Variants in KANK1 observed in about 807,000 individuals in gnomAD.
The protein encoded by KANK1 is KN motif and ankyrin repeat domain-containing protein 1.
Under a neutral mutation model 106.2 loss-of-function variants are expected in KANK1, and 109 were observed. The observed-to-expected ratio is 1.03, with a 90% CI of 0.88 to 1.20. KANK1 has a LOEUF of 1.20. Ranked by LOEUF, KANK1 falls within the 50% of genes most tolerant of loss-of-function variation. The pLI, the probability that KANK1 is intolerant of heterozygous loss-of-function variation, is 0.00. For synonymous variants in KANK1, 873 were observed against 652.2 expected (o/e 1.34, Z -5.16); for missense variants, 2,399 against 1,710.7 (o/e 1.40, Z -7.10).
At position 491,287 on chromosome 9, in the gene KANK1, T is replaced by TG. The variant is rs1489133695; in HGVS notation, c.-362+18014_-362+18015insG. On this transcript the variant is annotated intron_variant, in intron 3 of 15. Transcript: ENST00000382303. ...TGGAGTGCATTTTCTTTTTTTTTTT[T>TG]AGACAGAGTCTTGCTCTGTCACCAG... Among the ~76,000 whole-genome samples, 206 of 150,116 alleles carry TG rather than the reference T, an allele frequency of 1.4e-3. 1 individual carries two copies. The highest frequency in any genetic ancestry group is 4.8e-3 in the African/African-American group (196 of 40,414).
At chr9:671,077 G>T (rs952318644) in intron 1 of KANK1, among the ~76,000 whole-genome samples, 10 of 150,298 alleles carry the variant, frequency 6.7e-5, no homozygotes, top group African/African-American at 2.0e-4. Context: ...TGGTTATTCT[G>T]TGGGGAGAAG....
intron 1 of KANK1, among the ~76,000 whole-genome samples, chr9:569,750 A>T (rs1295364560): frequency 6.6e-6 from 1 of 151,980 alleles, no homozygotes; most frequent in Non-Finnish European, 1.5e-5. Flanking sequence ...GAAGCTTTTG[A>T]ATTTCACTTC....
chr9:735,161 T>C (rs1279908342), intron 7 of KANK1, among the ~76,000 whole-genome samples: 1 of 152,218 alleles, frequency 6.6e-6, no homozygotes, highest in Non-Finnish European at 1.5e-5. Context: ...TTTCTATTTA[T>C]AGAACAGTAA....
intron 1 of KANK1, among the ~76,000 whole-genome samples, chr9:541,899 C>A (rs1250268691): frequency 6.6e-6 from 1 of 151,562 alleles, no homozygotes; most frequent in Admixed American, 6.6e-5. Flanking sequence ...ACCATCCTGG[C>A]TAACACGGTG....
At chr9:648,629 T>C (rs1052434597) in intron 1 of KANK1, among the ~76,000 whole-genome samples, 1 of 152,148 alleles carries the variant, frequency 6.6e-6, no homozygotes, top group Non-Finnish European at 1.5e-5. Context: ...AGCAACATGA[T>C]AGTAACAAAG....
At chr9:730,339 G>A in intron 4 of KANK1, 91 bp downstream of exon 4, 1 of 1,280,582 alleles carries the variant, frequency 7.8e-7, no homozygotes, top group Non-Finnish European at 1.1e-6. Flanking sequence ...CTTTTAAATT[G>A]ACCTGGAAGA....
intron 1 of KANK1, among the ~76,000 whole-genome samples, chr9:667,754 T>G (rs963264006): frequency 2.6e-5 from 4 of 151,420 alleles, no homozygotes; most frequent in African/African-American, 7.3e-5. Flanking sequence ...TTTGTTTTTT[T>G]TTTTGAGATG....
chr9:693,353 T>G (rs991997671), intron 2 of KANK1: 9 of 979,478 alleles, frequency 9.2e-6, no homozygotes, highest in Non-Finnish European at 1.1e-5. Context: ...CAGTGGAGGG[T>G]TAGGGAAAGA....
At chr9:597,943 G>T (rs1044005005) in intron 1 of KANK1, among the ~76,000 whole-genome samples, 1 of 151,806 alleles carries the variant, frequency 6.6e-6, no homozygotes, top group Non-Finnish European at 1.5e-5. Context: ...GGGATTACAG[G>T]TGTGAGCCAC....
At chr9:602,989 C>A (rs955896074) in intron 1 of KANK1, among the ~76,000 whole-genome samples, 6 of 151,818 alleles carry the variant, frequency 4.0e-5, no homozygotes, top group Middle Eastern at 3.2e-3. Context: ...CATATTTATC[C>A]ACAGTGATAA....
chr9:494,548 T>C (rs1564122257), intron 3 of KANK1, among the ~76,000 whole-genome samples: 1 of 152,196 alleles, frequency 6.6e-6, no homozygotes, highest in Non-Finnish European at 1.5e-5. Flanking sequence ...TAAAAGGCAT[T>C]GTGCTACCAT....
chr9:556,401 T>A (rs1036259214), intron 1 of KANK1, among the ~76,000 whole-genome samples: 2 of 152,196 alleles, frequency 1.3e-5, no homozygotes, highest in African/African-American at 4.8e-5. Context: ...TCTGACTACG[T>A]GGTGAGTCTT....
intron 1 of KANK1, among the ~76,000 whole-genome samples, chr9:644,066 A>C (rs960682380): frequency 6.6e-6 from 1 of 150,954 alleles, no homozygotes. Context: ...CATTAGAAGC[A>C]TGATTTGTTC....
chr9:720,623 T>C (rs1194298279), intron 3 of KANK1, among the ~76,000 whole-genome samples: 2 of 152,238 alleles, frequency 1.3e-5, no homozygotes, highest in Non-Finnish European at 2.9e-5. Context: ...CACTAAGTGC[T>C]GGGATTACAG....
intron 3 of KANK1, among the ~76,000 whole-genome samples, chr9:496,602 GAAATA>G (rs2058462536): frequency 6.6e-6 from 1 of 152,054 alleles, no homozygotes; most frequent in African/African-American, 2.4e-5. Context: ...ATAAATGAAA[GAAATA>G]AAATTATATT....
chr9:712,688 C>G lies in KANK1; in HGVS notation c.1922C>G (p.Ser641Cys). The part of the protein sequence containing the change: ...GDCSVDVTVC[S>C]PKECASRGVN... ...TGTTCTGTTGACGTGACCGTCTGCT[C>G]TCCAAAGGAGTGCGCCTCCCGGGGC... The change falls in exon 3 of 12, where the codon TCT (serine) becomes TGT (cysteine). Residue 641 changes from serine to cysteine, a missense_variant. Physicochemically the swap from Ser to Cys is moderately radical, Grantham distance 112. Transcript: ENST00000382297. The G allele has an allele frequency of 1.9e-6, 3 of 1,614,140 alleles. No homozygotes were observed. Among genetic ancestry groups the G allele is most frequent in the Non-Finnish European group, 8.5e-7 (1 of 1,180,010 alleles).
intron 1 of KANK1, among the ~76,000 whole-genome samples, chr9:655,064 A>G (rs1203835570): frequency 6.6e-6 from 1 of 152,138 alleles, no homozygotes; most frequent in Admixed American, 6.5e-5. Context: ...GATGAGACCT[A>G]GACAGTAATT....
intron 1 of KANK1, among the ~76,000 whole-genome samples, chr9:550,936 CTT>C (rs1465028510): frequency 6.6e-6 from 1 of 152,058 alleles, no homozygotes; most frequent in Admixed American, 6.5e-5. Flanking sequence ...CTCCAGGAGT[CTT>C]TAAATCCAGC....
In KANK1 at chr9:595,979, G is replaced by C. The variant is rs1043469341; in HGVS notation, c.-83-80911G>C. Among the ~76,000 whole-genome samples, 3 of 151,858 alleles carry C rather than the reference G, an allele frequency of 2.0e-5. No individual in the cohort carries two copies. The South Asian group carries it at 6.2e-4, about 31-fold the overall frequency. On this transcript the variant is annotated intron_variant, in intron 1 of 11. Coordinates refer to ENST00000382297, the MANE Select transcript of KANK1 (RefSeq NM_015158.5). ...GACTTTTTTGAATTTGGGAATATTT[G>C]CATATACATAATGAAATTCCTTGGG... is the stretch of plus-strand genomic sequence containing the variant.
Sources: allele counts gnomAD v4.1 joint callset (sites outside exome capture counted in the v4.1 genomes callset), GRCh38; gene constraint gnomAD v4.1.1; transcripts MANE v1.5; gene names NCBI Gene and HGNC (gene_info 2026-07-23, HGNC 2026-07-21).